Variants in PDCD10 observed in about 807,000 individuals in gnomAD.
PDCD10 encodes programmed cell death 10, also known as programmed cell death protein 10.
Under a neutral mutation model 29.2 loss-of-function variants are expected in PDCD10, and 4 were observed. The ratio of observed to expected loss-of-function variants is 0.14; its 90% CI spans 0.07 to 0.31. PDCD10 has a LOEUF of 0.31. Ranked by LOEUF, PDCD10 falls within the 10% of genes least tolerant of loss-of-function variation. The pLI is 1.00. For missense variants in PDCD10, 183 were observed against 257.9 expected (o/e 0.71, Z 1.99); for synonymous variants, 70 against 82.2 (o/e 0.85, Z 0.80).
chr3:167,698,013 C>T (rs761475288), intron 4 of PDCD10: 1 of 456,354 alleles, frequency 2.2e-6, no homozygotes, highest in South Asian at 1.5e-5. Context: ...ACACAATTTA[C>T]GATCTTAATC....
At chr3:167,684,502 G>C (rs1719372332) in intron 8 of PDCD10, 113 bp from the exon 9 acceptor site, 2 of 663,518 alleles carry the variant, frequency 3.0e-6, no homozygotes, top group South Asian at 3.2e-5. Flanking sequence ...AAAAAGACAA[G>C]TTAGTATTAT....
rs116135833 is a variant in PDCD10, at chr3:167,718,799, G to A, written c.96+1263C>T. The stretch of plus-strand genomic sequence containing the variant: ...GATAATGGAAGCCAAACACTAGGAT[G>A]ACAGAGCAGAAGATAAGAACTTGAG... On this transcript the variant is annotated intron_variant, in intron 3 of 8. Coordinates refer to ENST00000392750, the MANE Select transcript of PDCD10 (RefSeq NM_007217.4). Among the ~76,000 whole-genome samples the A allele has an allele frequency of 4.0e-3, 601 of 151,644 alleles. 6 individuals are homozygous for A. The highest frequency in any genetic ancestry group is 0.014 in the African/African-American group (576 of 41,348).
Position 167,684,448 on chromosome 3 carries a change from T to C in PDCD10, c.558-59A>G, listed in dbSNP as rs78782877. ...ATCCAAAAAATTCACCCTTTTAAGA[T>C]TTATACTATTAACAGTAGCAATGGA... On this transcript the variant is annotated intron_variant, in intron 8 of 8. Transcript: ENST00000392750. 12,192 of 934,874 alleles carry C rather than the reference T, an allele frequency of 0.013. 125 individuals carry two copies. The highest frequency in any genetic ancestry group is 0.032 in the Middle Eastern group (138 of 4,380). The allele number at this position is 934,874 out of a possible 1,614,324, so 57.9% of individuals were successfully genotyped here.
At chr3:167,695,845 G>C in intron 5 of PDCD10, 123 bp from the exon 6 acceptor site, 2 of 936,858 alleles carry the variant, frequency 2.1e-6, no homozygotes, top group South Asian at 1.3e-5. Context: ...AATTAGGAAA[G>C]ACAAGGTTGC....
chr3:167,725,256 CAAAAAAGA>C (rs1468086022), intron 2 of PDCD10: 9 of 84,170 alleles, frequency 1.1e-4, no homozygotes, highest in African/African-American at 3.1e-4. Context: ...GACTCTGTCT[CAAAAAAGA>C]AAAAAAAAAA....
chr3:167,723,012 C>T (rs1008657182), intron 2 of PDCD10, among the ~76,000 whole-genome samples: 5 of 152,156 alleles, frequency 3.3e-5, no homozygotes, highest in African/African-American at 1.2e-4. Context: ...GGCATACATG[C>T]CATCTTTTAA....
chr3:167,699,914 G>A (rs982817280), intron 4 of PDCD10, among the ~76,000 whole-genome samples: 3 of 151,980 alleles, frequency 2.0e-5, no homozygotes, highest in Non-Finnish European at 4.4e-5. Context: ...CCTATAAGTA[G>A]TGAAAAAAAT....
intron 6 of PDCD10, among the ~76,000 whole-genome samples, chr3:167,691,000 T>A (rs1441786435): frequency 6.6e-6 from 1 of 152,206 alleles, no homozygotes; most frequent in African/African-American, 2.4e-5. Flanking sequence ...TAGCATCACC[T>A]ATAGTACTTG....
At chr3:167,731,792 T>C (rs886920139) in intron 2 of PDCD10, among the ~76,000 whole-genome samples, 8 of 152,150 alleles carry the variant, frequency 5.3e-5, no homozygotes, top group Admixed American at 1.3e-4. Flanking sequence ...GTACAGAGTA[T>C]GGTGAATACA....
chr3:167,693,488 T>C (rs1386197483), intron 6 of PDCD10, among the ~76,000 whole-genome samples: 1 of 152,198 alleles, frequency 6.6e-6, no homozygotes, highest in African/African-American at 2.4e-5. Flanking sequence ...ATATACACTA[T>C]ATACTTTAAT....
At chr3:167,706,079 G>T (rs765697088) in intron 3 of PDCD10, among the ~76,000 whole-genome samples, 5 of 152,166 alleles carry the variant, frequency 3.3e-5, no homozygotes, top group Admixed American at 2.0e-4. Context: ...AGTTCACTCT[G>T]TATAGCCCTG....
chr3:167,721,425 A>G (rs954670683), intron 2 of PDCD10, among the ~76,000 whole-genome samples: 4 of 152,174 alleles, frequency 2.6e-5, no homozygotes, highest in Non-Finnish European at 4.4e-5. Flanking sequence ...TCTACTCAAG[A>G]AAAGTACCCA....
At chr3:167,703,804 C>T (rs1414204633) in intron 4 of PDCD10, among the ~76,000 whole-genome samples, 1 of 151,784 alleles carries the variant, frequency 6.6e-6, no homozygotes, top group East Asian at 1.9e-4. Context: ...TAATATTAAG[C>T]GGCCACATTT....
intron 4 of PDCD10, among the ~76,000 whole-genome samples, chr3:167,702,297 G>T (rs973037556): frequency 6.6e-6 from 1 of 152,136 alleles, no homozygotes; most frequent in Non-Finnish European, 1.5e-5. Context: ...TATTCAATGT[G>T]AAAACGACAA....
rs182002080 is a variant in PDCD10 at position 167,724,889 on chromosome 3, C to T, written c.-116-4616G>A. ...ACAAATTCTAATTAAGGAGGTCCTCCCCAAGAGTTGGTTAACCCAGGATTT... is the reference window on the plus strand; with the variant it reads ...ACAAATTCTAATTAAGGAGGTCCTCTCCAAGAGTTGGTTAACCCAGGATTT... On this transcript the variant is annotated intron_variant, in intron 2 of 8. Transcript: ENST00000392750. Among the ~76,000 whole-genome samples the T allele has an allele frequency of 2.0e-3, 299 of 152,214 alleles. 1 individual carries two copies. The highest frequency in any genetic ancestry group is 7.0e-3 in the African/African-American group (292 of 41,532).
chr3:167,691,715 A>C (rs916688426), intron 6 of PDCD10, among the ~76,000 whole-genome samples: 2 of 152,158 alleles, frequency 1.3e-5, no homozygotes, highest in South Asian at 2.1e-4. Context: ...CCTTTTTCAC[A>C]TTTCTTTCAA....
At chr3:167,710,871 T>C (rs1384858903) in intron 3 of PDCD10, among the ~76,000 whole-genome samples, 1 of 152,178 alleles carries the variant, frequency 6.6e-6, no homozygotes, top group Non-Finnish European at 1.5e-5. Context: ...AAACTACATT[T>C]GTTTGGGAGA....
At chr3:167,733,870 A>T (rs1470673677) in intron 2 of PDCD10, among the ~76,000 whole-genome samples, 2 of 152,148 alleles carry the variant, frequency 1.3e-5, no homozygotes, top group Admixed American at 6.5e-5. Context: ...ATACACCCCT[A>T]AAAAAAGGGG....
intron 4 of PDCD10, among the ~76,000 whole-genome samples, chr3:167,701,234 T>C (rs748079136): frequency 5.9e-5 from 9 of 152,188 alleles, no homozygotes; most frequent in Non-Finnish European, 1.0e-4. Flanking sequence ...TCTGATTGTC[T>C]ATATATATCT....
Sources: allele counts gnomAD v4.1 joint callset (sites outside exome capture counted in the v4.1 genomes callset), GRCh38; gene constraint gnomAD v4.1.1; transcripts MANE v1.5; gene names NCBI Gene and HGNC (gene_info 2026-07-23, HGNC 2026-07-21).